Variants in CYFIP1 observed in about 807,000 individuals in gnomAD.
CYFIP1 encodes the protein cytoplasmic FMR1 interacting protein 1.
A neutral mutation model predicts 163.5 loss-of-function variants in CYFIP1; 58 were observed. The ratio of observed to expected loss-of-function variants is 0.35; its 90% CI spans 0.29 to 0.44. The LOEUF (loss-of-function observed/expected upper bound fraction) is 0.44. Among genes scored for constraint, CYFIP1 ranks in the 20% least tolerant of loss-of-function variants. The pLI is 1.00. For synonymous variants in CYFIP1, 663 were observed against 660.7 expected, an observed-to-expected ratio of 1.00 and a Z score of -0.05; for missense variants, 1,338 against 1,653.8, an observed-to-expected ratio of 0.81 and a Z score of 3.31.
intron 1 of CYFIP1, among the ~76,000 whole-genome samples, chr15:22,955,159 T>TC (rs2062400876): frequency 6.6e-6 from 1 of 152,202 alleles, no homozygotes; most frequent in African/African-American, 2.4e-5. Context: ...CCACCTCCTT[T>TC]CTTCCACATG....
chr15:22,932,366 T>G, intron 10 of CYFIP1, 26 bp from the exon 11 acceptor site: 1 of 1,534,080 alleles, frequency 6.5e-7, no homozygotes, highest in East Asian at 2.4e-5. Context: ...GCACCCGCGT[T>G]ACCTGCGGAG....
intron 26 of CYFIP1, among the ~76,000 whole-genome samples, chr15:22,877,176 T>C (rs1284835436): frequency 6.6e-6 from 1 of 152,146 alleles, no homozygotes; most frequent in Non-Finnish European, 1.5e-5. Context: ...TCTCCCACAA[T>C]TGGGTTAGTT....
chr15:22,918,800 T>C lies in CYFIP1; in HGVS notation c.1418A>G (p.Asn473Ser). 6.2e-7 allele frequency: 1 copy of C among 1,613,358 alleles called. No individual in the cohort carries two copies. Among genetic ancestry groups the C allele is most frequent in the East Asian group, 2.2e-5 (1 of 44,848 alleles). Reference sequence around the variant, plus strand: ...ATAGACGGTGTGCCGGATGGCGTGGTTGAACACGCTCTCCATCCTGCCCAT... The same window carrying C: ...ATAGACGGTGTGCCGGATGGCGTGGCTGAACACGCTCTCCATCCTGCCCAT... ...VLMGRMESVF[N>S]HAIRHTVYAA... The change falls in exon 14 of 31, where the codon AAC becomes AGC. Residue 473 changes from asparagine (N) to serine (S), a missense_variant. By Grantham distance (46) the Asn-to-Ser change is conservative. This residue lies in a region of CYFIP1 where 824 missense variants were observed against 995.7 expected (regional missense o/e 0.83). Coordinates refer to ENST00000617928, the MANE Select transcript of CYFIP1 (RefSeq NM_014608.6).
chr15:22,925,438 C>A (rs540716639), intron 13 of CYFIP1, among the ~76,000 whole-genome samples: 1 of 152,056 alleles, frequency 6.6e-6, no homozygotes, highest in Non-Finnish European at 1.5e-5. Context: ...GAGGGTTGGA[C>A]GGAATTGTTT....
intron 22 of CYFIP1, among the ~76,000 whole-genome samples, chr15:22,895,974 C>T (rs530956620): frequency 6.6e-6 from 1 of 152,286 alleles, no homozygotes; most frequent in East Asian, 1.9e-4. Flanking sequence ...TCCTTTCCTC[C>T]AATTGACTAT....
Position 22,870,053 on chromosome 15 carries a change from A to ATGGGCGGC in CYFIP1, c.3729_3736dup (p.Ile1246SerfsTer19). On this transcript the variant is annotated frameshift_variant, in exon 31 of 31. Coordinates refer to ENST00000617928, the MANE Select transcript of CYFIP1 (RefSeq NM_014608.6). LOFTEE classifies it high-confidence loss of function. The stretch of plus-strand genomic sequence containing the variant: ...TCAGCTGCTGGCGAGGGACTGGTGG[A>ATGGGCGGC]TGGGCGGCTGGAAGCAGCGCACATG... 1 of 1,607,884 alleles carries ATGGGCGGC rather than the reference A, an allele frequency of 6.2e-7. No individual in the cohort carries two copies. The highest frequency in any genetic ancestry group is 8.5e-7 in the Non-Finnish European group (1 of 1,178,124).
chr15:22,903,835 C>T lies in CYFIP1; in HGVS notation c.2459G>A (p.Gly820Asp), dbSNP rs17137190. ...GGCCTCCCGGAACATGGCGTCGAAGCCGTCCAGCGTCAGGTACCGGCTCAG... is the reference window on the plus strand; with the variant it reads ...GGCCTCCCGGAACATGGCGTCGAAGTCGTCCAGCGTCAGGTACCGGCTCAG... ...KLLSRYLTLDGFDAMFREANH... is the reference protein window; with the variant it reads ...KLLSRYLTLDDFDAMFREANH... The change falls in exon 22 of 31, where the codon GGC (glycine) becomes GAC (aspartate). Residue 820 changes from glycine (G) to aspartate (D), a missense_variant. By Grantham distance (94) the Gly-to-Asp change is moderately conservative (BLOSUM62 -1). Around this residue, in one of 4 missense-constraint regions of CYFIP1, gnomAD observed 824 missense variants for 995.7 expected, o/e 0.83. Coordinates refer to ENST00000617928, the MANE Select transcript of CYFIP1 (RefSeq NM_014608.6). 734 of 1,614,206 alleles carry T rather than the reference C, an allele frequency of 4.5e-4. 6 individuals are homozygous for T. The African/African-American group carries it at 8.8e-3, about 19-fold the overall frequency.
At chr15:22,937,417 G>C (rs574966431) in intron 8 of CYFIP1, among the ~76,000 whole-genome samples, 1 of 152,170 alleles carries the variant, frequency 6.6e-6, no homozygotes, top group East Asian at 1.9e-4. Context: ...GGGCTTCCAG[G>C]TCAGTCGCTA....
At chr15:22,894,153 C>G (rs917183525) in intron 22 of CYFIP1, among the ~76,000 whole-genome samples, 4 of 152,136 alleles carry the variant, frequency 2.6e-5, no homozygotes, top group East Asian at 3.9e-4. Flanking sequence ...ACACGTCAGC[C>G]TCCGTCCACC....
chr15:22,900,519 C>T (rs867144019), intron 22 of CYFIP1, among the ~76,000 whole-genome samples: 2 of 151,836 alleles, frequency 1.3e-5, no homozygotes, highest in South Asian at 4.2e-4. Context: ...CTGCCTCAGC[C>T]TCCCAAGTAG....
intron 11 of CYFIP1, among the ~76,000 whole-genome samples, chr15:22,931,709 A>AAAAAAAAAAAAAAAAAAAT (rs2061544029): frequency 6.7e-6 from 1 of 149,080 alleles, no homozygotes; most frequent in Non-Finnish European, 1.5e-5. Flanking sequence ...AAAAAAAAAA[A>AAAAAAAAAAAAAAAAAAAT]AGCTTTTTGT....
In CYFIP1 at chr15:22,870,027, C is replaced by A; in HGVS notation, c.*1G>T. ...TGAGTTACGGAGTGCAGCGCGTGCC[C>A]TCAGCTGCTGGCGAGGGACTGGTGG... On this transcript the variant is annotated 3_prime_UTR_variant, in exon 31 of 31. Coordinates refer to ENST00000617928, the MANE Select transcript of CYFIP1 (RefSeq NM_014608.6). The A allele has an allele frequency of 6.3e-7, 1 of 1,597,786 alleles. No individual in the cohort carries two copies. The highest frequency in any genetic ancestry group is 8.5e-7 in the Non-Finnish European group (1 of 1,174,662).
intron 1 of CYFIP1, among the ~76,000 whole-genome samples, chr15:22,952,256 G>A (rs2062276583): frequency 6.6e-6 from 1 of 152,130 alleles, no homozygotes. Flanking sequence ...GTGTTTAGTG[G>A]ATACAGAGTT....
At chr15:22,978,457 T>C (rs1052888349) in intron 1 of CYFIP1, among the ~76,000 whole-genome samples, 1 of 151,146 alleles carries the variant, frequency 6.6e-6, no homozygotes, top group African/African-American at 2.4e-5. Flanking sequence ...ATGTAAAGAT[T>C]GCTAAGATCT....
chr15:22,971,768 G>A (rs1402915642), intron 1 of CYFIP1, among the ~76,000 whole-genome samples: 2 of 152,184 alleles, frequency 1.3e-5, no homozygotes, highest in Non-Finnish European at 2.9e-5. Flanking sequence ...CACTCAGGAG[G>A]CTGAAGTGGG....
intron 22 of CYFIP1, among the ~76,000 whole-genome samples, chr15:22,897,153 C>T (rs2060262713): frequency 1.3e-5 from 2 of 151,798 alleles, no homozygotes; most frequent in Non-Finnish European, 2.9e-5. Context: ...GCAGAAGTTG[C>T]AGTGAGCCGA....
intron 23 of CYFIP1, among the ~76,000 whole-genome samples, chr15:22,892,388 G>A (rs1017018880): frequency 6.6e-5 from 10 of 152,178 alleles, no homozygotes; most frequent in Non-Finnish European, 1.3e-4. Flanking sequence ...AGACCCGGGT[G>A]CTCCGGGTTT....
intron 11 of CYFIP1, among the ~76,000 whole-genome samples, chr15:22,930,389 C>CAAAAAAAA (rs35398202): frequency 1.2e-4 from 14 of 114,066 alleles, no homozygotes; most frequent in African/African-American, 3.8e-4. Context: ...CCGTCTCACC[C>CAAAAAAAA]AAAAAAAAAA....
chr15:22,953,912 C>G (rs1304621199), intron 1 of CYFIP1, among the ~76,000 whole-genome samples: 1 of 151,988 alleles, frequency 6.6e-6, no homozygotes, highest in Admixed American at 6.6e-5. Flanking sequence ...AAAAATTAGC[C>G]AGGCGTGGTG....
Sources: allele counts gnomAD v4.1 joint callset (sites outside exome capture counted in the v4.1 genomes callset), GRCh38; gene constraint gnomAD v4.1.1; regional missense constraint gnomAD v4.1.1; transcripts MANE v1.5; gene names NCBI Gene and HGNC (gene_info 2026-07-23, HGNC 2026-07-21).